The following ACOXL variants were observed in gnomAD, a reference collection of about 807,000 sequenced individuals.
The protein encoded by ACOXL is acyl-CoA oxidase like.
A neutral mutation model predicts 71.9 loss-of-function variants in ACOXL; 70 were observed. The ratio of observed to expected loss-of-function variants is 0.97; its 90% CI spans 0.80 to 1.19. The LOEUF is 1.19. Ranked by LOEUF, ACOXL falls within the 50% of genes most tolerant of loss-of-function variation. The probability of loss-of-function intolerance (pLI) is 0.00; values close to 1 mark genes in which losing one functional copy is unlikely to be tolerated. For missense variants in ACOXL, 703 were observed against 736.3 expected, an observed-to-expected ratio of 0.95 and a Z score of 0.52; for synonymous variants, 253 against 281.6, an observed-to-expected ratio of 0.90 and a Z score of 1.02.
chr2:110,849,093 T>G (rs1475051629), intron 10 of ACOXL, among the ~76,000 whole-genome samples: 2 of 152,210 alleles, frequency 1.3e-5, no homozygotes, highest in East Asian at 1.9e-4. Context: ...GGAACCATGC[T>G]CCATGCTCTT....
intron 12 of ACOXL, among the ~76,000 whole-genome samples, chr2:110,962,925 GCAGAGGCCCT>G (rs2061758400): frequency 6.6e-6 from 1 of 152,190 alleles, no homozygotes; most frequent in African/African-American, 2.4e-5. Context: ...AGGAGGTAGT[GCAGAGGCCCT>G]CAGAAGGGGA....
At chr2:110,841,934 A>G (rs1164601891) in intron 10 of ACOXL, among the ~76,000 whole-genome samples, 2 of 152,276 alleles carry the variant, frequency 1.3e-5, no homozygotes, top group South Asian at 2.1e-4. Context: ...TGATATCAAC[A>G]TTTTCCCCTT....
intron 9 of ACOXL, among the ~76,000 whole-genome samples, chr2:110,809,426 C>T (rs891631620): frequency 2.0e-5 from 3 of 152,152 alleles, no homozygotes; most frequent in Non-Finnish European, 2.9e-5. Context: ...GGGTGCTGGG[C>T]GGCAGACAAC....
At chr2:110,803,549 A>G (rs1440598759) in intron 8 of ACOXL, among the ~76,000 whole-genome samples, 1 of 152,242 alleles carries the variant, frequency 6.6e-6, no homozygotes, top group African/African-American at 2.4e-5. Flanking sequence ...TAAATGTAAG[A>G]GCTAAAACTA....
At chr2:110,990,281 C>T (rs1193377315) in intron 13 of ACOXL, among the ~76,000 whole-genome samples, 3 of 151,950 alleles carry the variant, frequency 2.0e-5, no homozygotes, top group Admixed American at 6.6e-5. Context: ...AGATTTATTA[C>T]TGGTTACTTT....
chr2:110,935,291 C>T lies in ACOXL; in HGVS notation c.1059+1649C>T, dbSNP rs2060620637. Among the ~76,000 whole-genome samples the T allele has an allele frequency of 2.6e-5, 4 of 152,288 alleles. No individual in the cohort carries two copies. In the South Asian group the frequency reaches 6.2e-4, roughly 24 times the overall value. On this transcript the variant is annotated intron_variant, in intron 12 of 17. Transcript: ENST00000439055. ...CTCCCGTGACTCATTCCCTTTCTCG[C>T]AGTTCACAGGTGGGCAGGCCCAGGG...
intron 2 of ACOXL, among the ~76,000 whole-genome samples, chr2:110,776,527 C>G (rs73956445): frequency 0.015 from 2,210 of 152,088 alleles, 60 homozygotes; most frequent in African/African-American, 0.051. Flanking sequence ...GAGCAGATGC[C>G]TAAGAGGTGG....
chr2:110,798,824 C>A, intron 6 of ACOXL, 100 bp downstream of exon 6: 2 of 1,248,450 alleles, frequency 1.6e-6, no homozygotes, highest in South Asian at 1.3e-5. Context: ...GTAAATAATT[C>A]AGTACTAACT....
intron 14 of ACOXL, among the ~76,000 whole-genome samples, chr2:110,998,259 G>A (rs2063481839): frequency 6.6e-6 from 1 of 152,122 alleles, no homozygotes; most frequent in South Asian, 2.1e-4. Flanking sequence ...AGAAACATAG[G>A]TTAAAATATA....
chr2:111,066,467 CATT>C (rs1374853942), intron 16 of ACOXL, among the ~76,000 whole-genome samples: 1 of 152,126 alleles, frequency 6.6e-6, no homozygotes, highest in Non-Finnish European at 1.5e-5. Flanking sequence ...ATCTGGATCT[CATT>C]GTATCAATAT....
Position 110,963,586 on chromosome 2 carries a change from TG to T in ACOXL, c.1060-23521del, listed in dbSNP as rs762560386. Reference sequence around the variant, plus strand: ...TGAAATGTGTGTGTGTGTGTGTGTGTGTGTGTGTGTGTGTGTGTTTTTCTCT... The same window carrying T: ...TGAAATGTGTGTGTGTGTGTGTGTGTTGTGTGTGTGTGTGTGTTTTTCTCT... On this transcript the variant is annotated intron_variant, in intron 12 of 17. Transcript: ENST00000439055. 3.4e-6 allele frequency: 5 copies of T among 1,489,642 alleles called. No individual in the cohort carries two copies. In the African/African-American group the frequency reaches 5.6e-5, roughly 17 times the overall value. The allele number at this position is 1,489,642 out of a possible 1,614,324, so 92.3% of individuals were successfully genotyped here. A position where few individuals can be genotyped will look rare whatever the true frequency, so the allele number is the denominator to read the frequency against.
At chr2:111,115,794 AT>A (rs1288793533) in intron 17 of ACOXL, among the ~76,000 whole-genome samples, 1 of 152,288 alleles carries the variant, frequency 6.6e-6, no homozygotes, top group African/African-American at 2.4e-5. Flanking sequence ...CAGCCAGTTC[AT>A]TTTTCTTCTC....
At chr2:110,771,015 G>A (rs538841880) in intron 2 of ACOXL, among the ~76,000 whole-genome samples, 29 of 152,292 alleles carry the variant, frequency 1.9e-4, no homozygotes, top group African/African-American at 7.0e-4. Flanking sequence ...AGGCAGCCTG[G>A]ACAACTCTCT....
chr2:111,088,620 G>A (rs72946295), intron 16 of ACOXL, among the ~76,000 whole-genome samples: 253 of 152,178 alleles, frequency 1.7e-3, no homozygotes, highest in African/African-American at 5.8e-3. Flanking sequence ...AACAGACACC[G>A]GGGCCAACCT....
intron 12 of ACOXL, among the ~76,000 whole-genome samples, chr2:110,941,364 G>T (rs973756507): frequency 2.6e-5 from 4 of 152,190 alleles, no homozygotes; most frequent in African/African-American, 9.7e-5. Context: ...GACAATATAT[G>T]TATGCTAAAC....
intron 16 of ACOXL, among the ~76,000 whole-genome samples, chr2:111,073,440 G>A (rs1402456622): frequency 1.3e-5 from 2 of 152,124 alleles, no homozygotes; most frequent in Non-Finnish European, 2.9e-5. Flanking sequence ...TCTGTAAGAT[G>A]TGAAGTTTAG....
intron 1 of ACOXL, among the ~76,000 whole-genome samples, chr2:110,749,990 C>T (rs72830986): frequency 0.023 from 3,567 of 152,244 alleles, 66 homozygotes; most frequent in East Asian, 0.055. Context: ...TATGACTAGA[C>T]TGGAATTATG....
At chr2:111,031,849 C>T in intron 15 of ACOXL, 135 bp downstream of exon 15, 1 of 838,844 alleles carries the variant, frequency 1.2e-6, no homozygotes. Flanking sequence ...TTTAGGGCCC[C>T]AAGTGACTTA....
intron 9 of ACOXL, among the ~76,000 whole-genome samples, chr2:110,826,549 A>G (rs1415793517): frequency 6.6e-6 from 1 of 152,186 alleles, no homozygotes; most frequent in Non-Finnish European, 1.5e-5. Context: ...TGCCTGACCC[A>G]GATTCTAATC....
Sources: gnomAD v4.1 joint callset for allele counts (sites outside exome capture counted in the v4.1 genomes callset) on GRCh38, gnomAD v4.1.1 for gene constraint, MANE v1.5 for transcripts, NCBI Gene and HGNC (gene_info 2026-07-23, HGNC 2026-07-21) for gene names.